RBFOX2: variants seen among roughly 807,000 people sequenced by gnomAD.
RBFOX2 encodes the protein RNA binding protein fox-1 homolog 2.
RBFOX2 carries 10 observed loss-of-function variants against 49.1 expected under a neutral mutation model. The ratio of observed to expected loss-of-function variants is 0.20; its 90% confidence interval spans 0.13 to 0.35. The LOEUF is 0.35. RBFOX2 is among the 10% of genes least tolerant of loss of function. The pLI is 1.00. For synonymous variants in RBFOX2, 183 were observed against 187.4 expected (o/e 0.98, Z 0.19); for missense variants, 323 against 486.9 (o/e 0.66, Z 3.17).
At chr22:35,883,538 G>A (rs566313923) in intron 1 of RBFOX2, among the ~76,000 whole-genome samples, 7 of 152,270 alleles carry the variant, frequency 4.6e-5, no homozygotes, top group South Asian at 4.2e-4. Context: ...GATCTTTGCC[G>A]TGTCTCAATT....
At chr22:35,863,980 T>C (rs1470317250) in intron 1 of RBFOX2, among the ~76,000 whole-genome samples, 1 of 152,154 alleles carries the variant, frequency 6.6e-6, no homozygotes, top group African/African-American at 2.4e-5. Flanking sequence ...TTTATACAAT[T>C]AGATCCTGGT....
At chr22:36,024,565 A>C (rs977748610) in intron 1 of RBFOX2, among the ~76,000 whole-genome samples, 1 of 151,910 alleles carries the variant, frequency 6.6e-6, no homozygotes, top group Non-Finnish European at 1.5e-5. Context: ...ACATGGTGAA[A>C]CCTCATCTCT....
intron 1 of RBFOX2, among the ~76,000 whole-genome samples, chr22:35,831,811 A>G (rs948945586): frequency 6.6e-6 from 1 of 152,232 alleles, no homozygotes; most frequent in Non-Finnish European, 1.5e-5. Context: ...ATACAGTTGT[A>G]TCATTTGTGG....
At chr22:35,806,228 G>A (rs995800728) in intron 2 of RBFOX2, among the ~76,000 whole-genome samples, 1 of 151,952 alleles carries the variant, frequency 6.6e-6, no homozygotes. Flanking sequence ...TGTGGGAACA[G>A]AAAGTATATG....
chr22:35,797,008 T>C lies in RBFOX2; in HGVS notation c.252+12772A>G, dbSNP rs1451881764. Among the ~76,000 whole-genome samples the C allele has an allele frequency of 5.9e-5, 9 of 152,324 alleles. No individual in the cohort carries two copies. The South Asian group carries it at 1.9e-3, about 32-fold the overall frequency. ...TGGTGTATAATGTAAATACTTTCTT[T>C]CTTTTTCTTAGTTTGATGTAATTAG... On this transcript the variant is annotated intron_variant, in intron 2 of 11. Transcript: ENST00000405409.
chr22:35,941,755 C>T (rs1490665671), upstream of RBFOX2, among the ~76,000 whole-genome samples: 6 of 152,100 alleles, frequency 3.9e-5, no homozygotes, highest in African/African-American at 1.2e-4. Context: ...AGATCACATT[C>T]GTATAAGCCA....
chr22:35,939,943 A>G (rs894742793), upstream of RBFOX2, among the ~76,000 whole-genome samples: 3 of 152,216 alleles, frequency 2.0e-5, no homozygotes, highest in Non-Finnish European at 2.9e-5. Flanking sequence ...GAGAACATAC[A>G]TTGCTTTTGT....
At chr22:35,883,892 T>C (rs1361971849) in intron 1 of RBFOX2, among the ~76,000 whole-genome samples, 3 of 152,080 alleles carry the variant, frequency 2.0e-5, no homozygotes, top group Non-Finnish European at 4.4e-5. Flanking sequence ...ATTCTAATCT[T>C]ATACTAACAC....
At position 35,838,780 on chromosome 22, in the gene RBFOX2, C is replaced by T. The variant is rs569810869; in HGVS notation, c.27+1412G>A. 1.9e-3 allele frequency among the ~76,000 whole-genome samples: 285 copies of T among 152,324 alleles called. 1 individual carries two copies. Among genetic ancestry groups the T allele is most frequent in the Middle Eastern group, 0.017 (5 of 294 alleles). On this transcript the variant is annotated intron_variant, in intron 1 of 11. Coordinates refer to ENST00000405409, the Ensembl canonical transcript of RBFOX2. The stretch of plus-strand genomic sequence containing the variant: ...AAGAGAAACATTTCAAAAGCTTCTC[C>T]GCTTTTCCAAAAGAGGAAGGAGTTT...
chr22:36,012,411 A>G (rs1436412721), intron 1 of RBFOX2, among the ~76,000 whole-genome samples: 2 of 152,142 alleles, frequency 1.3e-5, no homozygotes, highest in Admixed American at 6.5e-5. Flanking sequence ...AAGAGAATAA[A>G]TAAGGGCCTG....
At chr22:35,996,554 G>C (rs951923795) in intron 1 of RBFOX2, 1 of 150,232 alleles carries the variant, frequency 6.7e-6, no homozygotes, top group Non-Finnish European at 1.5e-5. Context: ...GCAGTGAGCT[G>C]AGATTGTGCC....
At chr22:35,936,462 C>G (rs530479890) in intron 1 of RBFOX2, among the ~76,000 whole-genome samples, 17 of 152,200 alleles carry the variant, frequency 1.1e-4, no homozygotes, top group Non-Finnish European at 5.9e-5. Context: ...AGGTTAGGCG[C>G]ATTAATTAGC....
At chr22:35,773,004 T>C (rs1470736290) in intron 4 of RBFOX2, among the ~76,000 whole-genome samples, 1 of 110,560 alleles carries the variant, frequency 9.0e-6, no homozygotes, top group East Asian at 2.6e-4. Flanking sequence ...AATTTAAAAA[T>C]AAATAAAAAA....
At chr22:35,800,366 T>A (rs918073618) in intron 2 of RBFOX2, among the ~76,000 whole-genome samples, 4 of 152,202 alleles carry the variant, frequency 2.6e-5, no homozygotes. Flanking sequence ...TTGCTCAAAA[T>A]CTTTAATAAA....
intron 1 of RBFOX2, among the ~76,000 whole-genome samples, chr22:35,833,328 A>G (rs1301085298): frequency 6.6e-6 from 1 of 152,218 alleles, no homozygotes; most frequent in Non-Finnish European, 1.5e-5. Context: ...AAACCACTCA[A>G]TGCAACTCCA....
chr22:35,851,787 C>T lies in RBFOX2; in HGVS notation c.-33-41783G>A, dbSNP rs747767874. Reference sequence around the variant, plus strand: ...AGGCTCACCACCGCAGCCGAGATCCCGCCACTGCACTCCAGCCTGGGCAAC... The same window carrying T: ...AGGCTCACCACCGCAGCCGAGATCCTGCCACTGCACTCCAGCCTGGGCAAC... On this transcript the variant is annotated intron_variant, in intron 1 of 13. Coordinates refer to the RBFOX2 transcript ENST00000359369. 4.6e-5 allele frequency among the ~76,000 whole-genome samples: 7 copies of T among 151,470 alleles called. 1 individual carries two copies. The South Asian group carries it at 1.3e-3, about 27-fold the overall frequency.
chr22:35,917,435 T>C (rs1428196576), intron 1 of RBFOX2, among the ~76,000 whole-genome samples: 3 of 152,126 alleles, frequency 2.0e-5, no homozygotes, highest in Non-Finnish European at 4.4e-5. Context: ...ACAGTGAAAA[T>C]GCACAGTGAG....
chr22:35,752,170 CT>C (rs1935192720), intron 9 of RBFOX2, among the ~76,000 whole-genome samples: 1 of 152,218 alleles, frequency 6.6e-6, no homozygotes, highest in Non-Finnish European at 1.5e-5. Flanking sequence ...TGGTATCTCA[CT>C]ACAGGGCCCA....
Position 35,897,270 on chromosome 22 carries a change from T to C in RBFOX2, c.-34+41577A>G, listed in dbSNP as rs933698278. 4.0e-6 allele frequency: 6 copies of C among 1,507,036 alleles called. No individual in the cohort carries two copies. The African/African-American group carries it at 8.3e-5, about 21-fold the overall frequency. The allele number at this position is 1,507,036 out of a possible 1,614,324, so 93.4% of individuals were successfully genotyped here. On this transcript the variant is annotated intron_variant, in intron 1 of 13. Transcript: ENST00000359369. ...AGAGTTGCTCGGGAGGCACTAAATG[T>C]TGACGGTCTTGGCCAGCTTCACATC...
Sources: gnomAD v4.1 joint callset for allele counts (sites outside exome capture counted in the v4.1 genomes callset) on GRCh38, gnomAD v4.1.1 for gene constraint, MANE v1.5 for transcripts, NCBI Gene and HGNC (gene_info 2026-07-23, HGNC 2026-07-21) for gene names.